Variants in STK31 observed in about 807,000 individuals in gnomAD.
STK31 encodes serine/threonine kinase 31, also known as serine/threonine-protein kinase 31.
A neutral mutation model predicts 129.7 loss-of-function variants in STK31; 89 were observed. The ratio of observed to expected loss-of-function variants is 0.69; its 90% CI spans 0.58 to 0.82. The LOEUF (loss-of-function observed/expected upper bound fraction) is 0.82. Among genes scored for constraint, STK31 ranks in the 40% least tolerant of loss-of-function variants. The probability of loss-of-function intolerance (pLI) is 0.00; values close to 1 mark genes in which losing one functional copy is unlikely to be tolerated. For missense variants in STK31, 1,187 were observed against 1,176.4 expected (o/e 1.01, Z -0.13); for synonymous variants, 448 against 395.3 (o/e 1.13, Z -1.58).
At chr7:23,818,143 A>C (rs564207926) in intron 23 of STK31, among the ~76,000 whole-genome samples, 1 of 152,092 alleles carries the variant, frequency 6.6e-6, no homozygotes, top group South Asian at 2.1e-4. Flanking sequence ...TAGCATATCA[A>C]CAAGATCTAC....
At chr7:23,763,968 G>A (rs1562582565) in intron 11 of STK31, among the ~76,000 whole-genome samples, 1 of 152,278 alleles carries the variant, frequency 6.6e-6, no homozygotes, top group South Asian at 2.1e-4. Flanking sequence ...GTTGTGGACT[G>A]CAGGGAGTAA....
chr7:23,763,488 C>T (rs978691242), intron 11 of STK31, among the ~76,000 whole-genome samples: 4 of 152,192 alleles, frequency 2.6e-5, no homozygotes, highest in Admixed American at 2.6e-4. Context: ...TTTCTCTCTA[C>T]TTATTCAGAT....
At position 23,781,440 on chromosome 7, in the gene STK31, C is replaced by G; in HGVS notation, c.1987C>G (p.Gln663Glu). ...LEESDDPDGSQIEKIKEEITQ... is the reference protein window; with the variant it reads ...LEESDDPDGSEIEKIKEEITQ... ...CAAGTCAGATGATCCTGATGGCTCT[C>G]AAATTGAGAAAATAAAAGAAGAAAT... is the stretch of plus-strand genomic sequence containing the variant. The change falls in exon 16 of 24, where the codon CAA becomes GAA. Residue 663 changes from glutamine to glutamate, a missense_variant. By Grantham distance (29) the Gln-to-Glu change is conservative. Around this residue, in one of 5 missense-constraint regions of STK31, gnomAD observed 975 missense variants for 934.9 expected, o/e 1.04. Coordinates refer to ENST00000355870, the MANE Select transcript of STK31 (RefSeq NM_031414.5). The G allele has an allele frequency of 1.2e-6, 2 of 1,610,896 alleles. No individual in the cohort carries two copies. Among genetic ancestry groups the G allele is most frequent in the Non-Finnish European group, 1.7e-6 (2 of 1,178,934 alleles).
intron 6 of STK31, among the ~76,000 whole-genome samples, chr7:23,730,219 CTTAT>C (rs900420872): frequency 5.5e-4 from 84 of 152,224 alleles, no homozygotes; most frequent in African/African-American, 2.0e-3. Flanking sequence ...ATTTGTAATT[CTTAT>C]TTATAATAGC....
intron 22 of STK31, among the ~76,000 whole-genome samples, chr7:23,814,569 C>T (rs1793351890): frequency 6.6e-6 from 1 of 151,924 alleles, no homozygotes; most frequent in Non-Finnish European, 1.5e-5. Flanking sequence ...ATAGGATTTG[C>T]CTCAAAGATA....
At chr7:23,716,162 C>G (rs1408683155) in intron 3 of STK31, among the ~76,000 whole-genome samples, 1 of 152,082 alleles carries the variant, frequency 6.6e-6, no homozygotes, top group Non-Finnish European at 1.5e-5. Flanking sequence ...TCTGAATGTT[C>G]CTCAGTTTTT....
chr7:23,757,895 G>T (rs1789200561), intron 10 of STK31, among the ~76,000 whole-genome samples: 1 of 152,158 alleles, frequency 6.6e-6, no homozygotes, highest in Admixed American at 6.5e-5. Context: ...GCAGTGTTTT[G>T]TGTCCGTGGG....
chr7:23,830,246 A>AT (rs1156244521), intron 23 of STK31, among the ~76,000 whole-genome samples: 1 of 151,752 alleles, frequency 6.6e-6, no homozygotes, highest in Non-Finnish European at 1.5e-5. Context: ...TTTTAAAAAA[A>AT]TTTTTTTTGT....
At chr7:23,743,320 G>T (rs141145503) in intron 8 of STK31, among the ~76,000 whole-genome samples, 1 of 152,162 alleles carries the variant, frequency 6.6e-6, no homozygotes, top group Non-Finnish European at 1.5e-5. Context: ...AGCATCTCTT[G>T]TAGGGATGGT....
At chr7:23,732,764 A>G (rs1242511661) in intron 6 of STK31, among the ~76,000 whole-genome samples, 1 of 152,222 alleles carries the variant, frequency 6.6e-6, no homozygotes, top group Non-Finnish European at 1.5e-5. Flanking sequence ...GCCCAAAGAC[A>G]GGGTTTCTTG....
intron 14 of STK31, 157 bp from the exon 15 acceptor site, chr7:23,771,990 C>T: frequency 2.1e-6 from 1 of 472,346 alleles, no homozygotes; most frequent in South Asian, 5.0e-5. Flanking sequence ...AAAAGGAAAT[C>T]TATTGAATTG....
At chr7:23,801,964 G>C (rs1322182934) in intron 22 of STK31, among the ~76,000 whole-genome samples, 3 of 152,104 alleles carry the variant, frequency 2.0e-5, no homozygotes, top group Non-Finnish European at 4.4e-5. Context: ...AAATTGGGTA[G>C]TATGATTCTT....
intron 4 of STK31, among the ~76,000 whole-genome samples, chr7:23,719,694 C>T (rs1432279817): frequency 6.6e-6 from 1 of 152,096 alleles, no homozygotes; most frequent in South Asian, 2.1e-4. Context: ...AAAACAGATA[C>T]CTTCCATGAA....
chr7:23,774,867 A>G (rs947664390), intron 15 of STK31, among the ~76,000 whole-genome samples: 1 of 152,186 alleles, frequency 6.6e-6, no homozygotes, highest in South Asian at 2.1e-4. Flanking sequence ...TATGTCCTGA[A>G]TGGTATTGCC....
At chr7:23,812,522 T>A (rs776070842) in intron 22 of STK31, among the ~76,000 whole-genome samples, 1 of 151,942 alleles carries the variant, frequency 6.6e-6, no homozygotes, top group Non-Finnish European at 1.5e-5. Flanking sequence ...AACTTTTTTT[T>A]ATTAAATTTC....
At chr7:23,769,523 TCCTAG>T in intron 12 of STK31, 112 bp from the exon 13 acceptor site, 1 of 685,158 alleles carries the variant, frequency 1.5e-6, no homozygotes, top group Admixed American at 2.7e-5. Flanking sequence ...TTTCCTGCAT[TCCTAG>T]TTCTTTTACA....
intron 22 of STK31, among the ~76,000 whole-genome samples, chr7:23,796,914 A>T (rs1301252961): frequency 1.3e-5 from 2 of 148,254 alleles, no homozygotes; most frequent in Admixed American, 1.4e-4. Flanking sequence ...GGGATGGAGG[A>T]ATATTTACCA....
At chr7:23,796,080 G>A (rs1382606012) in intron 22 of STK31, among the ~76,000 whole-genome samples, 1 of 152,116 alleles carries the variant, frequency 6.6e-6, no homozygotes, top group Non-Finnish European at 1.5e-5. Context: ...AGGGGCCTGG[G>A]GTGGAATGAT....
intron 8 of STK31, among the ~76,000 whole-genome samples, chr7:23,744,499 G>A (rs2128086892): frequency 1.3e-5 from 2 of 152,118 alleles, no homozygotes; most frequent in Middle Eastern, 6.8e-3. Context: ...TTCCTTTGGA[G>A]TTATATTTTC....
Sources: gnomAD v4.1 joint callset for allele counts (sites outside exome capture counted in the v4.1 genomes callset) on GRCh38, gnomAD v4.1.1 for gene constraint, gnomAD v4.1.1 regional missense constraint, MANE v1.5 for transcripts, NCBI Gene and HGNC (gene_info 2026-07-23, HGNC 2026-07-21) for gene names.